Variants in CCDC149 observed in about 807,000 individuals in gnomAD.
The protein encoded by CCDC149 is coiled-coil domain containing 149, also known as coiled-coil domain-containing protein 149.
CCDC149 carries 45 observed loss-of-function variants against 59.9 expected under a neutral mutation model. That is an observed-to-expected ratio of 0.75 (90% CI 0.59 to 0.96). CCDC149 has a LOEUF of 0.96. Among genes scored for constraint, CCDC149 ranks in the 40% least tolerant of loss-of-function variants. The probability of loss-of-function intolerance (pLI) is 0.00; values close to 1 mark genes in which losing one functional copy is unlikely to be tolerated. For missense variants in CCDC149, 584 were observed against 664.7 expected (o/e 0.88, Z 1.33); for synonymous variants, 245 against 260.6 (o/e 0.94, Z 0.58).
At chr4:24,945,458 T>C (rs372415063) in intron 1 of CCDC149, among the ~76,000 whole-genome samples, 2 of 152,140 alleles carry the variant, frequency 1.3e-5, no homozygotes, top group South Asian at 4.2e-4. Context: ...TGCTAGCAAC[T>C]CTAGGAACTA....
rs182739672 is a variant in CCDC149 at position 24,937,302 on chromosome 4, C to T, written c.-64-42184G>A. On this transcript the variant is annotated intron_variant, in intron 1 of 12. Transcript: ENST00000389609. The stretch of plus-strand genomic sequence containing the variant: ...TCTGATGAGCAAACTGTGGTCATGA[C>T]GAATGTCTTCCAAGCATTTATTCAT... Among the ~76,000 whole-genome samples the T allele has an allele frequency of 1.8e-4, 27 of 152,248 alleles. No individual in the cohort carries two copies. The East Asian group carries it at 4.8e-3, about 27-fold the overall frequency.
intron 9 of CCDC149, chr4:24,827,781 T>C (rs1247503056): frequency 6.6e-6 from 1 of 152,264 alleles, no homozygotes; most frequent in African/African-American, 2.4e-5. Context: ...GGGTGGTAAC[T>C]GTCAGGCAGT....
At chr4:24,838,026 A>G (rs1214109527) in intron 5 of CCDC149, 130 bp downstream of exon 5, 7 of 773,040 alleles carry the variant, frequency 9.1e-6, no homozygotes, top group African/African-American at 1.7e-5. Flanking sequence ...AGTGCTGAGG[A>G]AGTAAAAGCA....
At position 24,912,902 on chromosome 4, in the gene CCDC149, CCCG is replaced by C. The variant is rs1227738719; in HGVS notation, c.-26_-24del. The C allele has an allele frequency of 3.1e-6, 4 of 1,296,664 alleles. No individual in the cohort carries two copies. The highest frequency in any genetic ancestry group is 1.6e-5 in the South Asian group (1 of 61,026). 80.3% of individuals were successfully genotyped at this position (1,296,664 alleles called of 1,614,324 possible). A position where few individuals can be genotyped will look rare whatever the true frequency, so the allele number is the denominator to read the frequency against. ...CATGCGCTGGCCGGCCTCCTGGACC[CCCG>C]CCGCCTCCTCCTCCTCGCGACGTCG... On this transcript the variant is annotated 5_prime_UTR_variant, in exon 1 of 13. Coordinates refer to ENST00000635206, the MANE Select transcript of CCDC149 (RefSeq NM_001330643.2).
chr4:24,948,785 G>A (rs533933618), intron 1 of CCDC149, among the ~76,000 whole-genome samples: 17 of 152,264 alleles, frequency 1.1e-4, no homozygotes, highest in African/African-American at 3.8e-4. Context: ...CATATTATGG[G>A]AGGGACCTGG....
At chr4:24,952,446 T>C (rs1206156978) in intron 1 of CCDC149, among the ~76,000 whole-genome samples, 1 of 150,664 alleles carries the variant, frequency 6.6e-6, no homozygotes, top group Non-Finnish European at 1.5e-5. Flanking sequence ...ACAACAATTA[T>C]CCAGGCATGG....
intron 1 of CCDC149, among the ~76,000 whole-genome samples, chr4:24,932,323 C>A (rs1335634287): frequency 6.6e-6 from 1 of 152,160 alleles, no homozygotes; most frequent in South Asian, 2.1e-4. Flanking sequence ...TGCCAGATTG[C>A]TCCAGCTGTA....
At chr4:24,825,917 T>C (rs1481680993) in intron 9 of CCDC149, among the ~76,000 whole-genome samples, 1 of 152,146 alleles carries the variant, frequency 6.6e-6, no homozygotes, top group African/African-American at 2.4e-5. Context: ...CTTTTCTGTA[T>C]TGGCAATGGG....
At chr4:24,823,747 C>T (rs1406888195) in intron 9 of CCDC149, among the ~76,000 whole-genome samples, 1 of 152,144 alleles carries the variant, frequency 6.6e-6, no homozygotes, top group East Asian at 1.9e-4. Context: ...TTAATATTCC[C>T]TTTGAGTTCA....
chr4:24,897,252 G>T (rs1720898109), intron 1 of CCDC149, among the ~76,000 whole-genome samples: 1 of 152,170 alleles, frequency 6.6e-6, no homozygotes, highest in Non-Finnish European at 1.5e-5. Context: ...TCAAAGGCTG[G>T]GTGTGTGGCA....
chr4:24,899,566 A>AG (rs982204029), intron 1 of CCDC149, among the ~76,000 whole-genome samples: 12 of 152,280 alleles, frequency 7.9e-5, no homozygotes, highest in African/African-American at 2.6e-4. Context: ...GAGCATTATC[A>AG]GGGGCAGTGA....
intron 1 of CCDC149, among the ~76,000 whole-genome samples, chr4:24,939,032 C>T (rs1270141696): frequency 2.0e-5 from 3 of 152,204 alleles, no homozygotes; most frequent in Non-Finnish European, 4.4e-5. Context: ...TGTCTGACAG[C>T]TTTGAAGAGA....
In CCDC149 at chr4:24,836,644, A is replaced by G. The variant is rs73101600; in HGVS notation, c.663-136T>C. The G allele has an allele frequency of 4.8e-3, 2,907 of 601,944 alleles. 72 individuals carry two copies. Among genetic ancestry groups the G allele is most frequent in the African/African-American group, 0.047 (2,564 of 54,148 alleles). The allele number at this position is 601,944 out of a possible 1,614,324, so 37.3% of individuals were successfully genotyped here. ...ACATAACACCTTGCCTGCTCACCAG[A>G]GAGGAGAAACATGTGCATCTTTGTG... On this transcript the variant is annotated intron_variant, in intron 6 of 12. Transcript: ENST00000635206.
intron 8 of CCDC149, among the ~76,000 whole-genome samples, chr4:24,832,705 G>A (rs1386546985): frequency 1.3e-5 from 2 of 152,114 alleles, no homozygotes; most frequent in Non-Finnish European, 2.9e-5. Context: ...GAATATTACA[G>A]TGTGGTATAC....
intron 1 of CCDC149, among the ~76,000 whole-genome samples, chr4:24,926,062 G>A (rs1422784801): frequency 2.6e-5 from 4 of 152,150 alleles, no homozygotes; most frequent in Admixed American, 1.3e-4. Flanking sequence ...CAGGCATTAT[G>A]GTGTGCGCCT....
At chr4:24,975,529 G>T (rs563475726) in intron 1 of CCDC149, among the ~76,000 whole-genome samples, 1 of 146,606 alleles carries the variant, frequency 6.8e-6, no homozygotes, top group East Asian at 2.1e-4. Context: ...AGTAGGATAG[G>T]GAAGGGAAGG....
intron 1 of CCDC149, among the ~76,000 whole-genome samples, chr4:24,943,167 C>A (rs1722998774): frequency 6.6e-6 from 1 of 152,124 alleles, no homozygotes; most frequent in Non-Finnish European, 1.5e-5. Flanking sequence ...GCTACGGTAA[C>A]CAAAACAGCA....
At chr4:24,851,218 C>T (rs1391436028) in intron 4 of CCDC149, among the ~76,000 whole-genome samples, 2 of 151,222 alleles carry the variant, frequency 1.3e-5, no homozygotes. Flanking sequence ...CATAAACATG[C>T]TCTCTCACAC....
chr4:24,956,542 G>A (rs1170686051), intron 1 of CCDC149, among the ~76,000 whole-genome samples: 1 of 152,034 alleles, frequency 6.6e-6, no homozygotes, highest in Non-Finnish European at 1.5e-5. Context: ...CTTACCTGGG[G>A]CCCTCCATGC....
Sources: allele counts gnomAD v4.1 joint callset (sites outside exome capture counted in the v4.1 genomes callset), GRCh38; gene constraint gnomAD v4.1.1; transcripts MANE v1.5; gene names NCBI Gene and HGNC (gene_info 2026-07-23, HGNC 2026-07-21).